Variants in SLC8A1 observed in about 807,000 individuals in gnomAD.
SLC8A1 encodes the protein sodium/calcium exchanger 1.
In SLC8A1, 18 loss-of-function variants were observed where a neutral mutation model predicts 68.3. That is an observed-to-expected ratio of 0.26 (90% CI 0.18 to 0.39). SLC8A1 has a LOEUF of 0.39. Among genes scored for constraint, SLC8A1 ranks in the 10% least tolerant of loss-of-function variants. The probability of loss-of-function intolerance (pLI) is 1.00; values close to 1 mark genes in which losing one functional copy is unlikely to be tolerated. For missense variants in SLC8A1, 985 were observed against 1,156.7 expected, an observed-to-expected ratio of 0.85 and a Z score of 2.15; for synonymous variants, 475 against 415.5, an observed-to-expected ratio of 1.14 and a Z score of -1.74.
chr2:40,427,536 A>G (rs1697200848), intron 2 of SLC8A1, among the ~76,000 whole-genome samples: 1 of 151,750 alleles, frequency 6.6e-6, no homozygotes, highest in African/African-American at 2.4e-5. Context: ...GAAATTGTTC[A>G]TAGAGTCAAA....
intron 1 of SLC8A1, among the ~76,000 whole-genome samples, chr2:40,510,003 T>C (rs2149946310): frequency 6.6e-6 from 1 of 152,202 alleles, no homozygotes; most frequent in East Asian, 1.9e-4. Flanking sequence ...AATTTTTGTA[T>C]TTTTAGTAGA....
intron 2 of SLC8A1, among the ~76,000 whole-genome samples, chr2:40,409,525 T>A (rs1242915295): frequency 6.6e-6 from 1 of 152,104 alleles, no homozygotes; most frequent in Non-Finnish European, 1.5e-5. Context: ...CATCAGAGCT[T>A]CCATTTATCA....
At chr2:40,121,462 A>C (rs2036783966) in intron 7 of SLC8A1, among the ~76,000 whole-genome samples, 2 of 152,166 alleles carry the variant, frequency 1.3e-5, no homozygotes, top group Non-Finnish European at 2.9e-5. Flanking sequence ...AAATGTGGGT[A>C]GGCGTCACGG....
intron 1 of SLC8A1, among the ~76,000 whole-genome samples, chr2:40,484,132 A>C (rs917763090): frequency 3.3e-5 from 5 of 152,342 alleles, no homozygotes; most frequent in South Asian, 2.1e-4. Context: ...AATGAATCCA[A>C]ATGAAATTAT....
intron 2 of SLC8A1, among the ~76,000 whole-genome samples, chr2:40,232,867 C>T (rs1347576990): frequency 8.3e-5 from 12 of 144,338 alleles, no homozygotes; most frequent in African/African-American, 1.3e-4. Context: ...TTTGTTCTTG[C>T]GATAGTTTAC....
intron 2 of SLC8A1, among the ~76,000 whole-genome samples, chr2:40,263,055 G>A (rs1395565199): frequency 6.6e-6 from 1 of 152,216 alleles, no homozygotes; most frequent in East Asian, 1.9e-4. Context: ...GTTTCATCAT[G>A]TAAACAGTCC....
chr2:40,105,553 A>G (rs371980291), exon 8 of SLC8A1: 24 of 152,204 alleles, frequency 1.6e-4, no homozygotes, highest in African/African-American at 5.8e-4. Context: ...CTCTTGGAAG[A>G]AAAGGATGCA....
At chr2:40,343,282 T>C (rs1668275087) in intron 2 of SLC8A1, among the ~76,000 whole-genome samples, 1 of 152,128 alleles carries the variant, frequency 6.6e-6, no homozygotes, top group Admixed American at 6.6e-5. Flanking sequence ...CACTTCCACC[T>C]CGTCTTTTCT....
intron 2 of SLC8A1, among the ~76,000 whole-genome samples, chr2:40,316,207 C>A (rs1363852689): frequency 6.6e-6 from 1 of 152,038 alleles, no homozygotes; most frequent in East Asian, 1.9e-4. Flanking sequence ...TGGATCCAAT[C>A]ACACTGATAT....
chr2:40,226,099 T>C (rs1035452046), intron 2 of SLC8A1, among the ~76,000 whole-genome samples: 6 of 152,142 alleles, frequency 3.9e-5, no homozygotes, highest in Admixed American at 1.3e-4. Flanking sequence ...TTACATGAGA[T>C]GACAGTTGGT....
At chr2:40,372,090 G>A (rs528470259) in intron 2 of SLC8A1, among the ~76,000 whole-genome samples, 1 of 152,210 alleles carries the variant, frequency 6.6e-6, no homozygotes, top group Non-Finnish European at 1.5e-5. Flanking sequence ...CCCTCTTAAT[G>A]CAGGAAAGAT....
intron 2 of SLC8A1, among the ~76,000 whole-genome samples, chr2:40,252,818 ATATATGTATATACATG>A (rs1299554628): frequency 3.4e-5 from 5 of 145,840 alleles, no homozygotes; most frequent in Non-Finnish European, 6.0e-5. Flanking sequence ...ACATATACAT[ATATATGTATATACATG>A]TGTATACATA....
intron 1 of SLC8A1, chr2:40,446,375 A>T (rs1701449656): frequency 6.6e-6 from 1 of 152,206 alleles, no homozygotes; most frequent in Non-Finnish European, 1.5e-5. Context: ...GAACGGAATG[A>T]AAGGGTCTAG....
At chr2:40,133,805 G>C (rs141513557) in intron 7 of SLC8A1, among the ~76,000 whole-genome samples, 3 of 152,170 alleles carry the variant, frequency 2.0e-5, no homozygotes, top group East Asian at 3.9e-4. Flanking sequence ...GACATGAAAG[G>C]AAAGTCCATA....
At chr2:40,369,495 T>C (rs1677322273) in intron 2 of SLC8A1, among the ~76,000 whole-genome samples, 1 of 152,120 alleles carries the variant, frequency 6.6e-6, no homozygotes, top group Admixed American at 6.6e-5. Context: ...TTAGCATTGC[T>C]AATGTTAAGA....
intron 4 of SLC8A1, among the ~76,000 whole-genome samples, chr2:40,171,309 G>A (rs1488127472): frequency 6.6e-6 from 1 of 152,160 alleles, no homozygotes; most frequent in Non-Finnish European, 1.5e-5. Context: ...GTCTTATTAA[G>A]TCTATTATGT....
At chr2:40,419,459 C>G (rs1043371015) in intron 2 of SLC8A1, among the ~76,000 whole-genome samples, 2 of 152,224 alleles carry the variant, frequency 1.3e-5, no homozygotes, top group East Asian at 3.9e-4. Flanking sequence ...CTCTGTCCCT[C>G]TGTCTGTCTC....
chr2:40,271,163 C>T (rs997596275), intron 2 of SLC8A1, among the ~76,000 whole-genome samples: 1 of 110,310 alleles, frequency 9.1e-6, no homozygotes, highest in East Asian at 4.6e-4. Flanking sequence ...TAGAACAAGA[C>T]CCCCAAGCCC....
intron 2 of SLC8A1, among the ~76,000 whole-genome samples, chr2:40,295,737 T>C (rs1229931938): frequency 6.6e-6 from 1 of 152,214 alleles, no homozygotes; most frequent in Non-Finnish European, 1.5e-5. Context: ...TGAAAGATTA[T>C]GAATCCTATA....
Sources: gnomAD v4.1 joint callset for allele counts (sites outside exome capture counted in the v4.1 genomes callset) on GRCh38, gnomAD v4.1.1 for gene constraint, MANE v1.5 for transcripts, NCBI Gene and HGNC (gene_info 2026-07-23, HGNC 2026-07-21) for gene names.